The following MARCHF8 variants were observed in gnomAD, a reference collection of about 807,000 sequenced individuals.
MARCHF8 encodes the protein membrane associated ring-CH-type finger 8, also known as E3 ubiquitin-protein ligase MARCHF8.
MARCHF8 carries 40 observed loss-of-function variants against 51.6 expected under a neutral mutation model. The ratio of observed to expected loss-of-function variants is 0.77; its 90% CI spans 0.60 to 1.01. MARCHF8 has a LOEUF of 1.01. Ranked by LOEUF, MARCHF8 falls within the 50% of genes least tolerant of loss-of-function variation. MARCHF8 has a pLI of 0.00. For missense variants in MARCHF8, 685 were observed against 708.6 expected, an observed-to-expected ratio of 0.97 and a Z score of 0.38; for synonymous variants, 263 against 280.3, an observed-to-expected ratio of 0.94 and a Z score of 0.62.
At chr10:45,480,058 T>C (rs2042857678) in intron 3 of MARCHF8, among the ~76,000 whole-genome samples, 1 of 152,134 alleles carries the variant, frequency 6.6e-6, no homozygotes, top group African/African-American at 2.4e-5. Flanking sequence ...GAGAAACTTG[T>C]TGCAAACTGG....
At chr10:45,494,473 T>C (rs1463002305) in intron 2 of MARCHF8, among the ~76,000 whole-genome samples, 4 of 152,208 alleles carry the variant, frequency 2.6e-5, no homozygotes, top group Non-Finnish European at 5.9e-5. Flanking sequence ...TGAACACCGC[T>C]AACTACATAC....
chr10:45,466,493 G>A (rs1842973157), intron 3 of MARCHF8, among the ~76,000 whole-genome samples: 2 of 152,272 alleles, frequency 1.3e-5, no homozygotes, highest in South Asian at 4.1e-4. Flanking sequence ...TCATTGCTAT[G>A]AGGTCACTTC....
chr10:45,538,160 A>G (rs1386915467), upstream of MARCHF8, among the ~76,000 whole-genome samples: 1 of 152,218 alleles, frequency 6.6e-6, no homozygotes, highest in Non-Finnish European at 1.5e-5. Flanking sequence ...GGGGGCCAAT[A>G]TTCAACATTC....
intron 3 of MARCHF8, among the ~76,000 whole-genome samples, chr10:45,473,685 TAG>T (rs1339900155): frequency 1.3e-5 from 2 of 152,188 alleles, no homozygotes; most frequent in African/African-American, 4.8e-5. Flanking sequence ...TCCAGCTGAA[TAG>T]AGTGGGTTTA....
intron 2 of MARCHF8, among the ~76,000 whole-genome samples, chr10:45,494,445 G>A (rs563670566): frequency 1.3e-5 from 2 of 152,110 alleles, no homozygotes; most frequent in African/African-American, 4.8e-5. Context: ...TAAAAAAAAA[G>A]ACAAAATATG....
chr10:45,566,037 C>T (rs1189311615), intron 1 of MARCHF8, among the ~76,000 whole-genome samples: 3 of 152,104 alleles, frequency 2.0e-5, no homozygotes, highest in Admixed American at 6.5e-5. Flanking sequence ...GGTGGCACAT[C>T]GGCCCTACAC....
chr10:45,534,680 A>T, intron 1 of MARCHF8, among the ~76,000 whole-genome samples: 1 of 152,156 alleles, frequency 6.6e-6, no homozygotes, highest in South Asian at 2.1e-4. Flanking sequence ...TCATTTATTA[A>T]CCATGTGCTG....
In MARCHF8 at chr10:45,470,688, T is replaced by C. The variant is rs574537281; in HGVS notation, c.154-6361A>G. Among the ~76,000 whole-genome samples, 68 of 152,320 alleles carry C rather than the reference T, an allele frequency of 4.5e-4. 2 individuals carry two copies. The South Asian group carries it at 0.013, about 30-fold the overall frequency. The stretch of plus-strand genomic sequence containing the variant: ...TATTTGTGCTTCCTGCTCATGAGAT[T>C]GCTAGCGGTTACTGCCCTCCCACTT... On this transcript the variant is annotated intron_variant, in intron 3 of 7. Coordinates refer to ENST00000453424, the MANE Select transcript of MARCHF8 (RefSeq NM_001282866.2).
chr10:45,483,669 C>CA (rs2042929049), intron 3 of MARCHF8, among the ~76,000 whole-genome samples: 1 of 152,144 alleles, frequency 6.6e-6, no homozygotes, highest in Non-Finnish European at 1.5e-5. Context: ...CCTAAGTGTC[C>CA]ACATCAATGG....
chr10:45,573,287 C>A (rs1265246753), intron 1 of MARCHF8, among the ~76,000 whole-genome samples: 1 of 152,208 alleles, frequency 6.6e-6, no homozygotes, highest in Non-Finnish European at 1.5e-5. Context: ...AACCCCACAA[C>A]AGGACTTAAT....
rs904181116 is a variant in MARCHF8 at position 45,466,594 on chromosome 10, A to G, written c.154-2267T>C. On this transcript the variant is annotated intron_variant, in intron 3 of 7. Transcript: ENST00000453424. ...CCTTCAAGGGATGGCAGCAGAGGAAAGTACCTAGTCACCCTCCTCCCTTTT... is the reference window on the plus strand; with the variant it reads ...CCTTCAAGGGATGGCAGCAGAGGAAGGTACCTAGTCACCCTCCTCCCTTTT... Among the ~76,000 whole-genome samples the G allele has an allele frequency of 5.3e-5, 8 of 152,154 alleles. No homozygotes were observed. In the South Asian group the frequency reaches 1.2e-3, roughly 24 times the overall value.
intron 2 of MARCHF8, among the ~76,000 whole-genome samples, chr10:45,532,878 T>C (rs1407547895): frequency 6.6e-6 from 1 of 152,178 alleles, no homozygotes; most frequent in Admixed American, 6.5e-5. Context: ...ATCAGGTAGA[T>C]TTAACCAATG....
At position 45,572,259 on chromosome 10, in the gene MARCHF8, C is replaced by T. The variant is rs563793222; in HGVS notation, c.-79+21976G>A. The stretch of plus-strand genomic sequence containing the variant: ...TCTGTGTCTCTACCCTCTCTTTTCT[C>T]TCCACTTTCCTGGGGGGCAAGCACC... On this transcript the variant is annotated intron_variant, in intron 1 of 6. Transcript: ENST00000319836. Among the ~76,000 whole-genome samples the T allele has an allele frequency of 8.4e-4, 128 of 151,782 alleles. 1 individual carries two copies. The highest frequency in any genetic ancestry group is 3.0e-3 in the African/African-American group (125 of 41,290).
chr10:45,512,814 C>T (rs1048364038), intron 2 of MARCHF8, among the ~76,000 whole-genome samples: 1 of 152,052 alleles, frequency 6.6e-6, no homozygotes, highest in African/African-American at 2.4e-5. Context: ...ATTGGGAAAT[C>T]GGATGGTTGC....
rs563599553 is a variant in MARCHF8 at position 45,467,948 on chromosome 10, T to C, written c.154-3621A>G. Among the ~76,000 whole-genome samples, 10 of 152,218 alleles carry C rather than the reference T, an allele frequency of 6.6e-5. No homozygotes were observed. The East Asian group carries it at 1.5e-3, about 23-fold the overall frequency. On this transcript the variant is annotated intron_variant, in intron 3 of 7. Transcript: ENST00000453424. ...TGCCAAATGACAGACTCTCCAGTCA[T>C]GAAAAGGAATATAAAGCAATCTCAC... is the stretch of plus-strand genomic sequence containing the variant.
rs1259205946 is a variant in MARCHF8 at position 45,463,827 on chromosome 10, G to A, written c.412C>T (p.Gln138Ter). The A allele has an allele frequency of 7.8e-6, 12 of 1,546,520 alleles. No homozygotes were observed. The East Asian group carries it at 2.4e-4, about 31-fold the overall frequency. The part of the protein sequence containing the change: ...KRNSFGSEWA[Q>*]ALKPAKNTKA... ...GTATTCTTAGCAGGCTTCAAGGCCT[G>A]GGCCCATTCTGAACCAAAGGAATTT... is the stretch of plus-strand genomic sequence containing the variant. The change falls in exon 5 of 8, where the codon CAG becomes TAG. Residue 138 changes from glutamine (Q) to a stop codon, truncating the protein, a stop_gained. Transcript: ENST00000453424. LOFTEE classifies it high-confidence loss of function.
At chr10:45,576,058 C>T (rs542297416) in intron 1 of MARCHF8, among the ~76,000 whole-genome samples, 58 of 152,288 alleles carry the variant, frequency 3.8e-4, no homozygotes, top group Non-Finnish European at 7.3e-4. Context: ...AAGCCTGTTC[C>T]GTGGTCTCTT....
At chr10:45,550,517 C>T (rs185438588) in intron 1 of MARCHF8, among the ~76,000 whole-genome samples, 1 of 152,346 alleles carries the variant, frequency 6.6e-6, no homozygotes, top group Admixed American at 6.5e-5. Context: ...CACTGCTCTG[C>T]ACCAGTCAGC....
intron 3 of MARCHF8, among the ~76,000 whole-genome samples, chr10:45,478,914 A>G (rs1359579673): frequency 6.6e-6 from 1 of 152,206 alleles, no homozygotes; most frequent in African/African-American, 2.4e-5. Flanking sequence ...CTTCACTGCC[A>G]AATTCTACCA....
Sources: allele counts gnomAD v4.1 joint callset (sites outside exome capture counted in the v4.1 genomes callset), GRCh38; gene constraint gnomAD v4.1.1; transcripts MANE v1.5; gene names NCBI Gene and HGNC (gene_info 2026-07-23, HGNC 2026-07-21).